HAPLN1: variants seen among roughly 807,000 people sequenced by gnomAD.
HAPLN1 encodes the protein Cartilage link protein.
A neutral mutation model predicts 36.5 loss-of-function variants in HAPLN1; 13 were observed. The ratio of observed to expected loss-of-function variants is 0.36; its 90% confidence interval spans 0.23 to 0.57. HAPLN1 has a LOEUF of 0.57. Among genes scored for constraint, HAPLN1 ranks in the 20% least tolerant of loss-of-function variants. The pLI, the probability that HAPLN1 is intolerant of heterozygous loss-of-function variation, is 0.83. For synonymous variants in HAPLN1, 202 were observed against 169.8 expected (o/e 1.19, Z -1.48); for missense variants, 407 against 439.7 (o/e 0.93, Z 0.66).
At chr5:83,695,513 T>TTA (rs933764936) in intron 1 of HAPLN1, among the ~76,000 whole-genome samples, 106 of 150,536 alleles carry the variant, frequency 7.0e-4, no homozygotes, top group Admixed American at 1.3e-3. Flanking sequence ...CTAAATAGAT[T>TTA]TATATATATA....
chr5:83,688,741 A>G (rs1199144249), intron 1 of HAPLN1, among the ~76,000 whole-genome samples: 1 of 150,472 alleles, frequency 6.6e-6, no homozygotes, highest in African/African-American at 2.5e-5. Context: ...TGAAGAGAGA[A>G]GAGACAATAA....
chr5:83,674,911 T>A (rs1750826726), intron 1 of HAPLN1: 1 of 152,224 alleles, frequency 6.6e-6, no homozygotes, highest in Non-Finnish European at 1.5e-5. Flanking sequence ...CTTTAGTCTT[T>A]CACGTTTGCT....
At chr5:83,706,350 G>A (rs2112634325) in intron 1 of HAPLN1, among the ~76,000 whole-genome samples, 1 of 152,224 alleles carries the variant, frequency 6.6e-6, no homozygotes, top group Non-Finnish European at 1.5e-5. Flanking sequence ...CTTGAAAACT[G>A]AATCTAGCAG....
intron 2 of HAPLN1, among the ~76,000 whole-genome samples, chr5:83,661,600 C>A (rs956555951): frequency 6.6e-5 from 10 of 151,788 alleles, no homozygotes; most frequent in Admixed American, 2.0e-4. Context: ...GTCTGCCACC[C>A]CGCCCGGCTA....
At chr5:83,656,350 A>AG (rs1211829376) in intron 2 of HAPLN1, among the ~76,000 whole-genome samples, 4 of 144,738 alleles carry the variant, frequency 2.8e-5, no homozygotes, top group Non-Finnish European at 6.1e-5. Flanking sequence ...AAAAAAAAAA[A>AG]GAACTGTTTG....
At chr5:83,710,245 A>C (rs1273600212) in intron 1 of HAPLN1, among the ~76,000 whole-genome samples, 1 of 152,196 alleles carries the variant, frequency 6.6e-6, no homozygotes, top group East Asian at 1.9e-4. Context: ...AAGCCATTGA[A>C]ATACAAACAG....
intron 2 of HAPLN1, among the ~76,000 whole-genome samples, chr5:83,658,390 T>C (rs1171356335): frequency 6.6e-6 from 1 of 152,188 alleles, no homozygotes; most frequent in Non-Finnish European, 1.5e-5. Flanking sequence ...TGAAATATAC[T>C]AGTGCTGCAT....
intron 1 of HAPLN1, among the ~76,000 whole-genome samples, chr5:83,694,176 G>T (rs1751340623): frequency 6.6e-6 from 1 of 151,686 alleles, no homozygotes; most frequent in Admixed American, 6.6e-5. Flanking sequence ...GGAAACTAAA[G>T]CACAAAATTT....
At position 83,670,852 on chromosome 5, in the gene HAPLN1, G is replaced by A. The variant is rs539101557; in HGVS notation, c.100+2572C>T. On this transcript the variant is annotated intron_variant, in intron 2 of 4. Coordinates refer to ENST00000274341, the MANE Select transcript of HAPLN1 (RefSeq NM_001884.4). ...TGGGATTACAGGCACCTGCCACCACGCCCGGCTAATTTTTGTATTTTTAGT... is the reference window on the plus strand; with the variant it reads ...TGGGATTACAGGCACCTGCCACCACACCCGGCTAATTTTTGTATTTTTAGT... 2.6e-5 allele frequency among the ~76,000 whole-genome samples: 4 copies of A among 151,964 alleles called. No homozygotes were observed. The East Asian group carries it at 5.8e-4, about 22-fold the overall frequency.
chr5:83,711,213 C>T (rs1698637410), intron 1 of HAPLN1, among the ~76,000 whole-genome samples: 1 of 152,088 alleles, frequency 6.6e-6, no homozygotes, highest in South Asian at 2.1e-4. Context: ...CTTCTATTTT[C>T]CATGTGAATT....
chr5:83,658,279 A>T (rs1225309790), intron 2 of HAPLN1, among the ~76,000 whole-genome samples: 1 of 152,206 alleles, frequency 6.6e-6, no homozygotes, highest in Non-Finnish European at 1.5e-5. Flanking sequence ...ATTTGTGTCC[A>T]TCACTGTGCT....
At chr5:83,682,542 C>CCGTTGG (rs1751029878) in intron 1 of HAPLN1, 2 of 152,158 alleles carry the variant, frequency 1.3e-5, no homozygotes, top group South Asian at 4.2e-4. Context: ...TGCAGTCAAT[C>CCGTTGG]CTCATCTCCG....
In HAPLN1 at chr5:83,656,408, A is replaced by G. The variant is rs143955077; in HGVS notation, c.101-3584T>C. Among the ~76,000 whole-genome samples the G allele has an allele frequency of 1.9e-3, 283 of 150,442 alleles. 5 individuals are homozygous for G. Among genetic ancestry groups the G allele is most frequent in the African/African-American group, 6.5e-3 (262 of 40,530 alleles). On this transcript the variant is annotated intron_variant, in intron 2 of 4. Coordinates refer to ENST00000274341, the MANE Select transcript of HAPLN1 (RefSeq NM_001884.4). ...ATTGAAATGCAAAAGATAAAAATAA[A>G]CCTTGATCATTAGAATGAGTATTGC... is the stretch of plus-strand genomic sequence containing the variant.
intron 1 of HAPLN1, among the ~76,000 whole-genome samples, chr5:83,696,934 A>G (rs1190444342): frequency 2.0e-5 from 3 of 152,186 alleles, no homozygotes; most frequent in Non-Finnish European, 4.4e-5. Context: ...TTAAGCATAC[A>G]GTGCAGTGGT....
intron 3 of HAPLN1, among the ~76,000 whole-genome samples, chr5:83,647,832 G>A (rs557854025): frequency 6.6e-6 from 1 of 152,184 alleles, no homozygotes; most frequent in Non-Finnish European, 1.5e-5. Context: ...TCATAAAAAG[G>A]CAGCGACCAT....
chr5:83,692,038 T>C (rs1751288088), intron 1 of HAPLN1, among the ~76,000 whole-genome samples: 1 of 151,500 alleles, frequency 6.6e-6, no homozygotes, highest in South Asian at 2.1e-4. Flanking sequence ...CAATTCAGGA[T>C]AAAAGATGAG....
At chr5:83,688,667 T>TCA (rs1751198153) in intron 1 of HAPLN1, among the ~76,000 whole-genome samples, 1 of 127,290 alleles carries the variant, frequency 7.9e-6, no homozygotes, top group Non-Finnish European at 1.7e-5. Context: ...TTTTTTTTTT[T>TCA]TTTTCACTTT....
At chr5:83,672,434 G>T (rs1316052774) in intron 2 of HAPLN1, among the ~76,000 whole-genome samples, 1 of 152,088 alleles carries the variant, frequency 6.6e-6, no homozygotes, top group Non-Finnish European at 1.5e-5. Context: ...TAAAGCTGTT[G>T]GAAGCAAACA....
intron 2 of HAPLN1, among the ~76,000 whole-genome samples, chr5:83,654,565 T>A (rs1240476576): frequency 6.6e-6 from 1 of 152,182 alleles, no homozygotes; most frequent in Non-Finnish European, 1.5e-5. Flanking sequence ...TGCCTGAGGG[T>A]CATAGGGAAC....
Sources: allele counts gnomAD v4.1 joint callset (sites outside exome capture counted in the v4.1 genomes callset), GRCh38; gene constraint gnomAD v4.1.1; transcripts MANE v1.5; gene names NCBI Gene and HGNC (gene_info 2026-07-23, HGNC 2026-07-21).